The following OSGIN2 variants were observed in gnomAD, a reference collection of about 807,000 sequenced individuals.
OSGIN2 encodes oxidative stress induced growth inhibitor family member 2.
OSGIN2 carries 19 observed loss-of-function variants against 53.8 expected under a neutral mutation model. The observed-to-expected ratio is 0.35, with a 90% CI of 0.25 to 0.52. The LOEUF (loss-of-function observed/expected upper bound fraction) is 0.52. Ranked by LOEUF, OSGIN2 falls within the 20% of genes least tolerant of loss-of-function variation. The pLI is 0.95. For missense variants in OSGIN2, 520 were observed against 662.7 expected (o/e 0.78, Z 2.36); for synonymous variants, 236 against 236.0 (o/e 1.00, Z 0.00).
chr8:89,919,627 AGAC>A (rs1563474387), intron 4 of OSGIN2, among the ~76,000 whole-genome samples: 1 of 152,192 alleles, frequency 6.6e-6, no homozygotes, highest in Non-Finnish European at 1.5e-5. Flanking sequence ...CTGGTTCTGA[AGAC>A]AGGCTTTTGT....
intron 5 of OSGIN2, 112 bp from the exon 6 acceptor site, chr8:89,924,391 A>G (rs1340537103): frequency 1.3e-6 from 1 of 766,928 alleles, no homozygotes; most frequent in Non-Finnish European, 2.1e-6. Flanking sequence ...ATGTATAGCT[A>G]AGACAGTCCA....
In OSGIN2 at chr8:89,926,417, G is replaced by A. The variant is rs1809334714; in HGVS notation, c.*885G>A. On this transcript the variant is annotated 3_prime_UTR_variant, in exon 6 of 6. Transcript: ENST00000451899. ...AACTACTTATCCCTGTGTGAACATT[G>A]AATTACTTTCTGTCACTGAAACTGA... is the stretch of plus-strand genomic sequence containing the variant. 6.6e-6 allele frequency: 1 copy of A among 152,572 alleles called. No individual in the cohort carries two copies. The highest frequency in any genetic ancestry group is 2.1e-4 in the South Asian group (1 of 4,836). 9.5% of individuals were successfully genotyped at this position (152,572 alleles called of 1,614,324 possible). A position where few individuals can be genotyped will look rare whatever the true frequency, so the allele number is the denominator to read the frequency against.
chr8:89,908,620 G>C (rs1005642178), intron 1 of OSGIN2, among the ~76,000 whole-genome samples: 10 of 152,016 alleles, frequency 6.6e-5, no homozygotes, highest in Non-Finnish European at 2.9e-5. Flanking sequence ...GTTACTGACT[G>C]TATGAAGATA....
chr8:89,917,906 T>G (rs1002770708), intron 4 of OSGIN2, among the ~76,000 whole-genome samples: 2 of 152,204 alleles, frequency 1.3e-5, no homozygotes, highest in Non-Finnish European at 2.9e-5. Flanking sequence ...ATATCTTCAA[T>G]TTCTCTGCCA....
chr8:89,903,920 G>C (rs1054853870), intron 1 of OSGIN2, among the ~76,000 whole-genome samples: 1 of 152,082 alleles, frequency 6.6e-6, no homozygotes, highest in Non-Finnish European at 1.5e-5. Flanking sequence ...TAGTTTTCTT[G>C]TAAATCCTGT....
intron 1 of OSGIN2, among the ~76,000 whole-genome samples, chr8:89,906,141 T>G (rs1362532751): frequency 6.6e-6 from 1 of 152,180 alleles, no homozygotes; most frequent in Admixed American, 6.5e-5. Context: ...GGTAAACATG[T>G]GTCATGGGAG....
At chr8:89,920,112 A>T (rs543384068) in intron 4 of OSGIN2, among the ~76,000 whole-genome samples, 1 of 152,288 alleles carries the variant, frequency 6.6e-6, no homozygotes, top group South Asian at 2.1e-4. Flanking sequence ...ATAATCTCTG[A>T]TAGATAATAC....
At chr8:89,905,766 T>C (rs907874835) in intron 1 of OSGIN2, among the ~76,000 whole-genome samples, 2 of 152,236 alleles carry the variant, frequency 1.3e-5, no homozygotes, top group Admixed American at 6.5e-5. Context: ...TTGGATAAAC[T>C]AAACTTTGGT....
intron 2 of OSGIN2, 32 bp downstream of exon 2, chr8:89,909,753 T>C (rs763185794): frequency 5.0e-6 from 7 of 1,394,382 alleles, no homozygotes; most frequent in South Asian, 2.5e-5. Context: ...TTTAAAATTA[T>C]AGTTAATGAC....
Position 89,919,659 on chromosome 8 carries a change from G to C in OSGIN2, c.529-1421G>C, listed in dbSNP as rs138583224. On this transcript the variant is annotated intron_variant, in intron 4 of 5. Coordinates refer to ENST00000451899, the MANE Select transcript of OSGIN2 (RefSeq NM_001126111.3). Reference sequence around the variant, plus strand: ...CTTTTGTTGGTAATGTAAAAGGTTGGAACAACGCAGGCCTGCTGAGTTAAT... The same window carrying C: ...CTTTTGTTGGTAATGTAAAAGGTTGCAACAACGCAGGCCTGCTGAGTTAAT... Among the ~76,000 whole-genome samples the C allele has an allele frequency of 2.6e-3, 391 of 152,278 alleles. 1 individual carries two copies. Among genetic ancestry groups the C allele is most frequent in the African/African-American group, 9.0e-3 (373 of 41,544 alleles).
At chr8:89,904,401 A>G (rs999660749) in intron 1 of OSGIN2, among the ~76,000 whole-genome samples, 3 of 152,222 alleles carry the variant, frequency 2.0e-5, no homozygotes, top group African/African-American at 7.2e-5. Flanking sequence ...TAGGGAGTGA[A>G]AACAAAGTAT....
rs1809275487 is a variant in OSGIN2 at position 89,924,595 on chromosome 8, A to G, written c.713A>G (p.Glu238Gly). Residue 238 changes from glutamate to glycine, a missense_variant, in exon 6 of 6, where the codon GAG becomes GGG. Glu to Gly is a moderately conservative substitution (Grantham distance 98, BLOSUM62 -2). Transcript: ENST00000451899. ...KVMGLQKNFR[E>G]NTYITSVSRL... ...ATGGGTCTTCAGAAGAATTTCAGAGAGAATACTTACATAACTTCCGTATCA... is the reference window on the plus strand; with the variant it reads ...ATGGGTCTTCAGAAGAATTTCAGAGGGAATACTTACATAACTTCCGTATCA... 3.1e-6 allele frequency: 5 copies of G among 1,613,590 alleles called. No homozygotes were observed. Among genetic ancestry groups the G allele is most frequent in the Non-Finnish European group, 3.4e-6 (4 of 1,179,596 alleles).
At chr8:89,914,813 C>A in intron 4 of OSGIN2, 67 bp downstream of exon 4, 1 of 1,090,608 alleles carries the variant, frequency 9.2e-7, no homozygotes, top group Non-Finnish European at 1.4e-6. Flanking sequence ...CAACTTTATT[C>A]TTAAGCATTA....
At chr8:89,916,108 T>A (rs892881331) in intron 4 of OSGIN2, among the ~76,000 whole-genome samples, 2 of 152,154 alleles carry the variant, frequency 1.3e-5, no homozygotes, top group Non-Finnish European at 2.9e-5. Context: ...TTCTTAATTT[T>A]AAAAAAAGCC....
At chr8:89,910,564 C>G (rs577453447) in intron 2 of OSGIN2, among the ~76,000 whole-genome samples, 10 of 152,276 alleles carry the variant, frequency 6.6e-5, no homozygotes, top group African/African-American at 2.4e-4. Flanking sequence ...TTGTTCTATA[C>G]TAGGTTCTAT....
chr8:89,909,974 G>A (rs1808935381), intron 2 of OSGIN2, among the ~76,000 whole-genome samples: 1 of 152,138 alleles, frequency 6.6e-6, no homozygotes, highest in Non-Finnish European at 1.5e-5. Flanking sequence ...CTACATTTGT[G>A]TTAATTATAT....
At position 89,902,780 on chromosome 8, in the gene OSGIN2, T is replaced by G. The variant is rs994897794; in HGVS notation, c.-14T>G. The G allele has an allele frequency of 1.6e-6, 2 of 1,245,338 alleles. No individual in the cohort carries two copies. Among genetic ancestry groups the G allele is most frequent in the Non-Finnish European group, 1.0e-6 (1 of 985,044 alleles). The allele number at this position is 1,245,338 out of a possible 1,614,324, so 77.1% of individuals were successfully genotyped here. On this transcript the variant is annotated 5_prime_UTR_variant, in exon 1 of 6. Coordinates refer to ENST00000451899, the MANE Select transcript of OSGIN2 (RefSeq NM_001126111.3). ...CACGGCGGCCGCGCTCGGGCGCCCCTCGCGCAGCGCTCCATGCCCGTGTGG... is the reference window on the plus strand; with the variant it reads ...CACGGCGGCCGCGCTCGGGCGCCCCGCGCGCAGCGCTCCATGCCCGTGTGG...
At position 89,902,849 on chromosome 8, in the gene OSGIN2, G is replaced by A. The variant is rs1808753196; in HGVS notation, c.44+12G>A. 7.3e-7 allele frequency: 1 copy of A among 1,376,646 alleles called. No homozygotes were observed. 85.3% of individuals were successfully genotyped at this position (1,376,646 alleles called of 1,614,324 possible). A position where few individuals can be genotyped will look rare whatever the true frequency, so the allele number is the denominator to read the frequency against. ...GCCGGTCATTTCAGGTGACTTCCTC[G>A]CCGGGGATGGGAGGGGAGCAGGCGG... On this transcript the variant is annotated intron_variant, in intron 1 of 5. Coordinates refer to ENST00000451899, the MANE Select transcript of OSGIN2 (RefSeq NM_001126111.3).
chr8:89,917,237 T>C (rs1809099257), intron 4 of OSGIN2, among the ~76,000 whole-genome samples: 1 of 152,258 alleles, frequency 6.6e-6, no homozygotes, highest in African/African-American at 2.4e-5. Context: ...GTAGATCTTA[T>C]CTGTCATAAC....
Sources: gnomAD v4.1 joint callset for allele counts (sites outside exome capture counted in the v4.1 genomes callset) on GRCh38, gnomAD v4.1.1 for gene constraint, MANE v1.5 for transcripts, NCBI Gene and HGNC (gene_info 2026-07-23, HGNC 2026-07-21) for gene names.